Variants in COL6A2 observed in about 807,000 individuals in gnomAD.
The protein encoded by COL6A2 is collagen alpha-2(VI) chain.
A neutral mutation model predicts 124.9 loss-of-function variants in COL6A2; 90 were observed. The observed-to-expected ratio is 0.72, with a 90% CI of 0.61 to 0.86. The LOEUF (loss-of-function observed/expected upper bound fraction) is 0.86, where lower values mean the gene tolerates loss of function less well. Among genes scored for constraint, COL6A2 ranks in the 40% least tolerant of loss-of-function variants. COL6A2 has a pLI of 0.00. For synonymous variants in COL6A2, 793 were observed against 618.2 expected (o/e 1.28, Z -4.19); for missense variants, 1,607 against 1,502.5 (o/e 1.07, Z -1.15).
Position 46,121,569 on chromosome 21 carries a change from A to C in COL6A2, c.1472A>C (p.Asp491Ala), listed in dbSNP as rs754954890. 2 of 1,611,992 alleles carry C rather than the reference A, an allele frequency of 1.2e-6. No individual in the cohort carries two copies. The highest frequency in any genetic ancestry group is 2.2e-5 in the South Asian group (2 of 91,000). ...GEPGKQGSRGDPGDAGPRGDS... is the reference protein window; with the variant it reads ...GEPGKQGSRGAPGDAGPRGDS... ...TCCTGCCCTCAGGGATCTCGGGGAG[A>C]CCCCGGTGATGCAGGACCCCGTGGA... is the stretch of plus-strand genomic sequence containing the variant. Residue 491 changes from aspartate (D) to alanine (A), a missense_variant, in exon 18 of 28, where the codon GAC (aspartate) becomes GCC (alanine). Coordinates refer to ENST00000300527, the MANE Select transcript of COL6A2 (RefSeq NM_001849.4).
At position 46,126,250 on chromosome 21, in the gene COL6A2, G is replaced by T. The variant is rs1313130391; in HGVS notation, c.2422+13G>T. 2 of 1,597,572 alleles carry T rather than the reference G, an allele frequency of 1.3e-6. No homozygotes were observed. Among genetic ancestry groups the T allele is most frequent in the Non-Finnish European group, 8.5e-7 (1 of 1,178,012 alleles). The stretch of plus-strand genomic sequence containing the variant: ...GTCCTCTGCCCGGGTGAGCGTGTGG[G>T]CGCGGGGCAGTCGGCCGAGGAGCAG... On this transcript the variant is annotated intron_variant, in intron 26 of 27. Transcript: ENST00000300527.
In COL6A2 at chr21:46,112,849, A is replaced by G. The variant is rs747090541; in HGVS notation, c.735+25A>G. 5.0e-6 allele frequency: 8 copies of G among 1,613,236 alleles called. No individual in the cohort carries two copies. In the East Asian group the frequency reaches 8.9e-5, roughly 18 times the overall value. ...GGTGAGTGGCGCTTCCCTTCCTGCC[A>G]GTGCTGGCCGGCAGCTGACCCAGCA... is the stretch of plus-strand genomic sequence containing the variant. On this transcript the variant is annotated intron_variant, in intron 4 of 27. Coordinates refer to ENST00000300527, the MANE Select transcript of COL6A2 (RefSeq NM_001849.4).
chr21:46,126,149 C>A lies in COL6A2; in HGVS notation c.2334C>A (p.Asp778Glu), dbSNP rs764165623. 6.8e-6 allele frequency: 11 copies of A among 1,610,534 alleles called. 1 individual carries two copies. The highest frequency in any genetic ancestry group is 1.6e-4 in the Middle Eastern group (1 of 6,082). The stretch of plus-strand genomic sequence containing the variant: ...AAAACCTCTACTCCATCGCCTGCGA[C>A]AAGCCACAGCAGGTGCGCAACATGA... ...ESENLYSIAC[D>E]KPQQVRNMTL... Residue 778 changes from aspartate (D) to glutamate (E), a missense_variant, in exon 26 of 28, where the codon GAC becomes GAA. Transcript: ENST00000300527.
chr21:46,100,795 T>C (rs1314207267), intron 1 of COL6A2, among the ~76,000 whole-genome samples: 1 of 152,248 alleles, frequency 6.6e-6, no homozygotes, highest in Non-Finnish European at 1.5e-5. Context: ...GTTTACCCAT[T>C]CGTCTGTTGC....
At chr21:46,123,938 GTGATGGGT>G (rs1477956675) in intron 21 of COL6A2, among the ~76,000 whole-genome samples, 1 of 144,898 alleles carries the variant, frequency 6.9e-6, no homozygotes, top group Non-Finnish European at 1.5e-5. Flanking sequence ...GGTTGGGTAG[GTGATGGGT>G]GGATGAGTGG....
chr21:46,128,666 C>T (rs948831820), intron 27 of COL6A2, among the ~76,000 whole-genome samples: 1 of 152,202 alleles, frequency 6.6e-6, no homozygotes, highest in African/African-American at 2.4e-5. Context: ...TGCATAGGGG[C>T]CACAGCGTAA....
intron 5 of COL6A2, among the ~76,000 whole-genome samples, chr21:46,115,453 G>C (rs1275560177): frequency 2.6e-5 from 4 of 152,214 alleles, no homozygotes; most frequent in African/African-American, 7.2e-5. Context: ...TAACCTTTAT[G>C]TGGTGTTCTG....
intron 23 of COL6A2, 148 bp from the exon 24 acceptor site, chr21:46,125,118 G>A: frequency 9.8e-7 from 1 of 1,023,978 alleles, no homozygotes; most frequent in Non-Finnish European, 1.5e-6. Flanking sequence ...GTGGCAGCGA[G>A]GTTGGTAGGG....
At chr21:46,114,285 C>T (rs749332174) in intron 5 of COL6A2, among the ~76,000 whole-genome samples, 4 of 152,086 alleles carry the variant, frequency 2.6e-5, no homozygotes, top group South Asian at 2.1e-4. Context: ...ATTAGCCGGG[C>T]GTAGTGGCAT....
intron 21 of COL6A2, 44 bp downstream of exon 21, chr21:46,122,981 A>C: frequency 6.3e-7 from 1 of 1,585,720 alleles, no homozygotes; most frequent in Non-Finnish European, 8.7e-7. Flanking sequence ...GGGCAGAGGC[A>C]GGGAGGGGCC....
intron 5 of COL6A2, among the ~76,000 whole-genome samples, chr21:46,114,458 T>A (rs1042143242): frequency 3.3e-5 from 5 of 151,894 alleles, no homozygotes; most frequent in African/African-American, 1.2e-4. Flanking sequence ...AAGCCACATT[T>A]AAGGCCAGCT....
Position 46,111,949 on chromosome 21 carries a change from C to T in COL6A2, c.116-30C>T, listed in dbSNP as rs769828773. On this transcript the variant is annotated intron_variant, in intron 2 of 27. Coordinates refer to ENST00000300527, the MANE Select transcript of COL6A2 (RefSeq NM_001849.4). ...GCTCCAACAGCAGTCCCTCCTGAGG[C>T]TGGCTCGTGACAGGTCCTGTGCCCC... 5.6e-6 allele frequency: 9 copies of T among 1,601,736 alleles called. No individual in the cohort carries two copies. The African/African-American group carries it at 1.2e-4, about 21-fold the overall frequency.
At chr21:46,108,074 TTC>T (rs575053738) in intron 1 of COL6A2, among the ~76,000 whole-genome samples, 158 of 151,752 alleles carry the variant, frequency 1.0e-3, no homozygotes, top group African/African-American at 3.7e-3. Flanking sequence ...TTCTCTTTCT[TTC>T]TCTCTTTCTC....
intron 1 of COL6A2, among the ~76,000 whole-genome samples, chr21:46,099,889 C>CGTTTTTTTT (rs1345870090): frequency 2.2e-5 from 2 of 91,840 alleles, no homozygotes; most frequent in Non-Finnish European, 2.1e-5. Context: ...GCAGCACTGT[C>CGTTTTTTTT]TTTTTTTTTT....
rs369041865 is a variant in COL6A2 at position 46,099,797 on chromosome 21, A to C, written c.-28+1624A>C. On this transcript the variant is annotated intron_variant, in intron 1 of 27. Transcript: ENST00000300527. ...CAGCTCACAGGGCGCCTGCTCTTAG[A>C]AGGGCGGCATCTGGGTCCAGAGGTC... Among the ~76,000 whole-genome samples, 5 of 150,796 alleles carry C rather than the reference A, an allele frequency of 3.3e-5. No homozygotes were observed. In the East Asian group the frequency reaches 9.9e-4, roughly 30 times the overall value.
Position 46,120,517 on chromosome 21 carries a change from G to T in COL6A2, c.1335G>T (p.Gly445=). The T allele has an allele frequency of 5.3e-6, 8 of 1,508,822 alleles. No individual in the cohort carries two copies. Among genetic ancestry groups the T allele is most frequent in the Non-Finnish European group, 7.1e-6 (8 of 1,131,012 alleles). The allele number at this position is 1,508,822 out of a possible 1,614,324, so 93.5% of individuals were successfully genotyped here. A position where few individuals can be genotyped will look rare whatever the true frequency, so the allele number is the denominator to read the frequency against. Reference sequence around the variant, plus strand: ...GGGCCTCCCTTCCCTTCCCACAGGGGGACCCTGGCCCTGAGGGGCCCCGCG... The same window carrying T: ...GGGCCTCCCTTCCCTTCCCACAGGGTGACCCTGGCCCTGAGGGGCCCCGCG... ...PGSDGPKGEK[G]DPGPEGPRGL... The change falls in exon 16 of 28, where the codon GGG becomes GGT. Residue 445 remains glycine (G), a splice_region_variant and synonymous_variant. Transcript: ENST00000300527.
intron 27 of COL6A2, among the ~76,000 whole-genome samples, chr21:46,131,627 G>A (rs1443244641): frequency 6.6e-6 from 1 of 152,188 alleles, no homozygotes; most frequent in Non-Finnish European, 1.5e-5. Flanking sequence ...CTTGAGCCAT[G>A]AAAGGATGCT....
At chr21:46,130,115 C>T (rs936211341) in intron 27 of COL6A2, among the ~76,000 whole-genome samples, 1 of 152,182 alleles carries the variant, frequency 6.6e-6, no homozygotes, top group African/African-American at 2.4e-5. Flanking sequence ...GCAGATAGTC[C>T]TGGGGGAAGC....
rs1336821743 is a variant in COL6A2, at chr21:46,120,544, C to T, written c.1362C>T (p.Gly454=). Residue 454 remains glycine, a synonymous_variant, in exon 16 of 28, where the codon GGC becomes GGT. Transcript: ENST00000300527. ...KGDPGPEGPR[G]LAGEVGNKGA... Reference sequence around the variant, plus strand: ...ACCCTGGCCCTGAGGGGCCCCGCGGCCTGGCTGGAGAGGTTGGCAACAAAG... The same window carrying T: ...ACCCTGGCCCTGAGGGGCCCCGCGGTCTGGCTGGAGAGGTTGGCAACAAAG... 2 of 1,477,270 alleles carry T rather than the reference C, an allele frequency of 1.4e-6. No homozygotes were observed. Among genetic ancestry groups the T allele is most frequent in the East Asian group, 2.5e-5 (1 of 39,424 alleles). 91.5% of individuals were successfully genotyped at this position (1,477,270 alleles called of 1,614,324 possible).
Sources: gnomAD v4.1 joint callset for allele counts (sites outside exome capture counted in the v4.1 genomes callset) on GRCh38, gnomAD v4.1.1 for gene constraint, MANE v1.5 for transcripts, NCBI Gene and HGNC (gene_info 2026-07-23, HGNC 2026-07-21) for gene names.